NXPH1: variants seen among roughly 807,000 people sequenced by gnomAD.
NXPH1 encodes neurexophilin-1.
NXPH1 carries 5 observed loss-of-function variants against 23.7 expected under a neutral mutation model. That is an observed-to-expected ratio of 0.21 (90% CI 0.11 to 0.44). NXPH1 has a LOEUF of 0.44. NXPH1 is among the 20% of genes least tolerant of loss of function. The probability of loss-of-function intolerance (pLI) is 0.99; values close to 1 mark genes in which losing one functional copy is unlikely to be tolerated. For synonymous variants in NXPH1, 144 were observed against 122.2 expected, an observed-to-expected ratio of 1.18 and a Z score of -1.18; for missense variants, 324 against 321.6, an observed-to-expected ratio of 1.01 and a Z score of -0.06.
At chr7:8,702,059 G>A (rs113505252) in intron 2 of NXPH1, among the ~76,000 whole-genome samples, 3,013 of 149,204 alleles carry the variant, frequency 0.02, 94 homozygotes, top group African/African-American at 0.07. Context: ...AAAGCCCTCC[G>A]TATTCTAACT....
intron 2 of NXPH1, among the ~76,000 whole-genome samples, chr7:8,480,171 G>C (rs376752261): frequency 6.6e-6 from 1 of 152,042 alleles, no homozygotes; most frequent in Non-Finnish European, 1.5e-5. Context: ...ATAGGTGGTG[G>C]TTGCAGGAAG....
chr7:8,448,042 C>T (rs1272093618), intron 2 of NXPH1, among the ~76,000 whole-genome samples: 5 of 152,186 alleles, frequency 3.3e-5, no homozygotes, highest in African/African-American at 9.7e-5. Context: ...TGTCTCAGAT[C>T]CCTCACTGCA....
intron 2 of NXPH1, among the ~76,000 whole-genome samples, chr7:8,725,451 C>G (rs948084217): frequency 2.0e-5 from 3 of 148,798 alleles, no homozygotes; most frequent in African/African-American, 7.5e-5. Context: ...GATCCAGCCA[C>G]TGCACTCCAA....
chr7:8,578,425 G>A (rs187506141), intron 2 of NXPH1, among the ~76,000 whole-genome samples: 1 of 152,162 alleles, frequency 6.6e-6, no homozygotes, highest in African/African-American at 2.4e-5. Flanking sequence ...TTCAACTATA[G>A]CCTCAGCAAA....
chr7:8,749,102 C>A (rs1780521571), intron 2 of NXPH1, among the ~76,000 whole-genome samples: 2 of 152,194 alleles, frequency 1.3e-5, no homozygotes. Context: ...AAACTTCTCC[C>A]AGGCAAGATC....
intron 2 of NXPH1, among the ~76,000 whole-genome samples, chr7:8,478,796 C>A (rs914741323): frequency 6.6e-6 from 1 of 152,128 alleles, no homozygotes; most frequent in African/African-American, 2.4e-5. Context: ...TATTATCAGA[C>A]TTTTTTGATA....
intron 2 of NXPH1, among the ~76,000 whole-genome samples, chr7:8,677,780 T>G (rs1247587851): frequency 1.3e-5 from 2 of 152,042 alleles, no homozygotes; most frequent in African/African-American, 4.8e-5. Flanking sequence ...TTTTTATTGA[T>G]AATAAAACAA....
chr7:8,673,900 C>T (rs937049243), intron 2 of NXPH1, among the ~76,000 whole-genome samples: 1 of 151,716 alleles, frequency 6.6e-6, no homozygotes, highest in Admixed American at 6.6e-5. Context: ...GAAGAAAACA[C>T]TGTTTGAGCC....
At chr7:8,682,199 G>A (rs1821066598) in intron 2 of NXPH1, among the ~76,000 whole-genome samples, 1 of 152,176 alleles carries the variant, frequency 6.6e-6, no homozygotes, top group Non-Finnish European at 1.5e-5. Context: ...AGGAGCACAG[G>A]TGGGAAAATA....
In NXPH1 at chr7:8,678,928, A is replaced by ATTTTTTTTTTTTTT. The variant is rs540056222; in HGVS notation, c.55-72058_55-72045dup. On this transcript the variant is annotated intron_variant, in intron 2 of 2. Coordinates refer to ENST00000405863, the MANE Select transcript of NXPH1 (RefSeq NM_152745.3). ...TCTAGATTTATCTTTGCTTTATCCA[A>ATTTTTTTTTTTTTT]TTTTTTTTTTTTTTTTTTTTTTTTT... is the stretch of plus-strand genomic sequence containing the variant. Among the ~76,000 whole-genome samples, 293 of 68,812 alleles carry ATTTTTTTTTTTTTT rather than the reference A, an allele frequency of 4.3e-3. 27 individuals carry two copies. The highest frequency in any genetic ancestry group is 4.7e-3 in the Non-Finnish European group (190 of 40,024). 45.1% of individuals were successfully genotyped at this position (68,812 alleles called of 152,430 possible).
In NXPH1 at chr7:8,505,293, T is replaced by G. The variant is rs192565166; in HGVS notation, c.54+69526T>G. Among the ~76,000 whole-genome samples, 293 of 152,048 alleles carry G rather than the reference T, an allele frequency of 1.9e-3. 2 individuals are homozygous for G. Among genetic ancestry groups the G allele is most frequent in the Non-Finnish European group, 1.6e-3 (106 of 67,958 alleles). ...TTGGTTTTCAAAACTTTCCTAATAA[T>G]TTGGACTCATTTTCAGTGCCAACAA... On this transcript the variant is annotated intron_variant, in intron 2 of 2. Coordinates refer to ENST00000405863, the MANE Select transcript of NXPH1 (RefSeq NM_152745.3).
chr7:8,652,754 G>A (rs1054646135), intron 2 of NXPH1, among the ~76,000 whole-genome samples: 2 of 152,240 alleles, frequency 1.3e-5, no homozygotes, highest in Admixed American at 6.5e-5. Flanking sequence ...GTTGTCCAGA[G>A]GTGATGCTTT....
chr7:8,561,553 C>G (rs1398127960), intron 2 of NXPH1, among the ~76,000 whole-genome samples: 1 of 151,540 alleles, frequency 6.6e-6, no homozygotes, highest in African/African-American at 2.4e-5. Flanking sequence ...AACAAATGAG[C>G]CAAGATTATA....
In NXPH1 at chr7:8,646,758, A is replaced by AC. The variant is rs759886668; in HGVS notation, c.55-104246dup. Among the ~76,000 whole-genome samples the AC allele has an allele frequency of 1.6e-4, 25 of 151,926 alleles. 1 individual carries two copies. The highest frequency in any genetic ancestry group is 2.9e-4 in the Non-Finnish European group (20 of 67,954). On this transcript the variant is annotated intron_variant, in intron 2 of 2. Transcript: ENST00000405863. Reference sequence around the variant, plus strand: ...TATAAATCTTGCTGGAAATCAGTGGACCCCAAACAGTCCCTCTATAATTTT... The same window carrying AC: ...TATAAATCTTGCTGGAAATCAGTGGACCCCCAAACAGTCCCTCTATAATTTT...
At chr7:8,727,336 G>C (rs1463833363) in intron 2 of NXPH1, among the ~76,000 whole-genome samples, 3 of 138,096 alleles carry the variant, frequency 2.2e-5, no homozygotes, top group African/African-American at 8.8e-5. Flanking sequence ...AAGCTCTTTA[G>C]TTTAATTAGA....
At chr7:8,524,525 C>T (rs1817832198) in intron 2 of NXPH1, among the ~76,000 whole-genome samples, 1 of 152,142 alleles carries the variant, frequency 6.6e-6, no homozygotes, top group African/African-American at 2.4e-5. Context: ...GTTCCTCTCT[C>T]CTTTGCCCAA....
intron 2 of NXPH1, among the ~76,000 whole-genome samples, chr7:8,581,493 C>T (rs556562205): frequency 6.6e-6 from 1 of 152,256 alleles, no homozygotes; most frequent in South Asian, 2.1e-4. Context: ...CATGTGAGAG[C>T]TCACTCACTG....
intron 2 of NXPH1, among the ~76,000 whole-genome samples, chr7:8,616,958 C>G (rs1819756240): frequency 6.6e-6 from 1 of 151,868 alleles, no homozygotes. Flanking sequence ...GTAGTTGTGC[C>G]AAGAGATGGT....
chr7:8,752,020 G>T lies in NXPH1; in HGVS notation c.*251G>T. The T allele has an allele frequency of 2.3e-6, 1 of 441,162 alleles. No individual in the cohort carries two copies. 27.3% of individuals were successfully genotyped at this position (441,162 alleles called of 1,614,324 possible). On this transcript the variant is annotated 3_prime_UTR_variant, in exon 3 of 3. Coordinates refer to ENST00000405863, the MANE Select transcript of NXPH1 (RefSeq NM_152745.3). ...CTGAAGACATGCTCTCACATATAGAGGTACACAAACACACCGTCATGCACA... is the reference window on the plus strand; with the variant it reads ...CTGAAGACATGCTCTCACATATAGATGTACACAAACACACCGTCATGCACA...
Sources: gnomAD v4.1 joint callset for allele counts (sites outside exome capture counted in the v4.1 genomes callset) on GRCh38, gnomAD v4.1.1 for gene constraint, MANE v1.5 for transcripts, NCBI Gene and HGNC (gene_info 2026-07-23, HGNC 2026-07-21) for gene names.